Variants in CNTN3 observed in about 807,000 individuals in gnomAD.
CNTN3 encodes the protein contactin 3, also known as contactin-3.
In CNTN3, 60 loss-of-function variants were observed where a neutral mutation model predicts 119.1. The ratio of observed to expected loss-of-function variants is 0.50; its 90% CI spans 0.41 to 0.62. The LOEUF is 0.62. Among genes scored for constraint, CNTN3 ranks in the 20% least tolerant of loss-of-function variants. The pLI, the probability that CNTN3 is intolerant of heterozygous loss-of-function variation, is 0.00. For missense variants in CNTN3, 1,101 were observed against 1,242.4 expected (o/e 0.89, Z 1.71); for synonymous variants, 450 against 438.7 (o/e 1.03, Z -0.32).
rs955131373 is a variant in CNTN3 at position 74,344,608 on chromosome 3, A to C, written c.1365-7950T>G. On this transcript the variant is annotated intron_variant, in intron 11 of 22. Transcript: ENST00000263665. ...GAGTAGCTGGGACTACAGGCGGCCG[A>C]CACCACGCCCAGCTAATTTCTTTTG... Among the ~76,000 whole-genome samples the C allele has an allele frequency of 5.8e-4, 87 of 150,734 alleles. 3 individuals carry two copies. The highest frequency in any genetic ancestry group is 5.9e-5 in the Non-Finnish European group (4 of 67,494).
chr3:74,320,688 A>AC (rs1702965395), intron 13 of CNTN3, among the ~76,000 whole-genome samples: 1 of 152,208 alleles, frequency 6.6e-6, no homozygotes, highest in African/African-American at 2.4e-5. Flanking sequence ...AACAACAACA[A>AC]AAAATTCAGA....
intron 1 of CNTN3, among the ~76,000 whole-genome samples, chr3:74,583,807 T>C (rs1486672520): frequency 6.6e-6 from 1 of 152,208 alleles, no homozygotes; most frequent in African/African-American, 2.4e-5. Flanking sequence ...TGGCTATTTT[T>C]CCTGCTTGTT....
intron 13 of CNTN3, among the ~76,000 whole-genome samples, chr3:74,331,139 C>T (rs1703254913): frequency 6.6e-6 from 1 of 152,204 alleles, no homozygotes; most frequent in Non-Finnish European, 1.5e-5. Context: ...TCACTCACCA[C>T]TCACTCACTG....
At chr3:74,401,107 C>T (rs1705179115) in intron 5 of CNTN3, among the ~76,000 whole-genome samples, 1 of 152,104 alleles carries the variant, frequency 6.6e-6, no homozygotes, top group Non-Finnish European at 1.5e-5. Flanking sequence ...AGAAATGCTT[C>T]TCAACTGACA....
At chr3:74,336,776 C>CGGTT in intron 11 of CNTN3, 118 bp from the exon 12 acceptor site, 1 of 709,602 alleles carries the variant, frequency 1.4e-6, no homozygotes, top group South Asian at 2.9e-5. Flanking sequence ...CATGATCAAC[C>CGGTT]AGTCCTTAGC....
intron 2 of CNTN3, among the ~76,000 whole-genome samples, chr3:74,510,020 CATATAT>C: frequency 6.3e-5 from 1 of 15,972 alleles, no homozygotes; most frequent in East Asian, 4.0e-4. Context: ...ATTTTATATA[CATATAT>C]ATACATATAT....
chr3:74,456,186 A>G (rs926071726), intron 4 of CNTN3, among the ~76,000 whole-genome samples: 15 of 151,848 alleles, frequency 9.9e-5, no homozygotes, highest in African/African-American at 3.4e-4. Flanking sequence ...TCTTTATTGT[A>G]TAACTTTAAT....
At position 74,365,538 on chromosome 3, in the gene CNTN3, A is replaced by T. The variant is rs772373776; in HGVS notation, c.1083+28T>A. 6 of 1,612,818 alleles carry T rather than the reference A, an allele frequency of 3.7e-6. No homozygotes were observed. In the African/African-American group the frequency reaches 6.7e-5, roughly 18 times the overall value. ...AAAGGGTGGATTTACCAGGCCTCTAAACCCATTTTAGGTCCATGTTACCTT... is the reference window on the plus strand; with the variant it reads ...AAAGGGTGGATTTACCAGGCCTCTATACCCATTTTAGGTCCATGTTACCTT... On this transcript the variant is annotated intron_variant, in intron 9 of 22. Coordinates refer to ENST00000263665, the MANE Select transcript of CNTN3 (RefSeq NM_020872.3).
chr3:74,555,373 T>A (rs1704053804), intron 1 of CNTN3, among the ~76,000 whole-genome samples: 1 of 152,192 alleles, frequency 6.6e-6, no homozygotes, highest in South Asian at 2.1e-4. Flanking sequence ...CCTAAAATTC[T>A]CTTTTTTTGT....
At chr3:74,536,067 G>A (rs894183575) in intron 1 of CNTN3, among the ~76,000 whole-genome samples, 7 of 152,016 alleles carry the variant, frequency 4.6e-5, no homozygotes, top group Admixed American at 4.6e-4. Context: ...GTGGGACACT[G>A]AGAGACAGGA....
intron 13 of CNTN3, among the ~76,000 whole-genome samples, chr3:74,329,961 T>C (rs1423444326): frequency 6.6e-6 from 1 of 152,136 alleles, no homozygotes; most frequent in East Asian, 1.9e-4. Context: ...CAGGAAGAGA[T>C]CTCATGGCAG....
chr3:74,283,373 TGTCAAC>T (rs939246831), intron 20 of CNTN3, among the ~76,000 whole-genome samples: 1 of 152,188 alleles, frequency 6.6e-6, no homozygotes, highest in African/African-American at 2.4e-5. Context: ...GCTCAGTAAG[TGTCAAC>T]CATAATTATC....
chr3:74,460,374 A>G (rs533517597), intron 4 of CNTN3, among the ~76,000 whole-genome samples: 2 of 152,088 alleles, frequency 1.3e-5, no homozygotes, highest in East Asian at 3.9e-4. Flanking sequence ...TTTGAGGAGA[A>G]TTAACATATT....
intron 17 of CNTN3, among the ~76,000 whole-genome samples, chr3:74,298,621 G>A (rs1702389895): frequency 1.3e-5 from 2 of 148,174 alleles, no homozygotes; most frequent in South Asian, 4.3e-4. Flanking sequence ...AAAAGGCCTG[G>A]TACGGTGGCT....
chr3:74,265,819 A>G (rs776082335), intron 22 of CNTN3, among the ~76,000 whole-genome samples: 21 of 152,186 alleles, frequency 1.4e-4, no homozygotes, highest in Admixed American at 3.3e-4. Context: ...AATGGACTCT[A>G]CAATAGTTAA....
At chr3:74,288,379 G>A (rs182009848) in intron 19 of CNTN3, among the ~76,000 whole-genome samples, 272 of 151,856 alleles carry the variant, frequency 1.8e-3, no homozygotes, top group African/African-American at 6.2e-3. Context: ...TCCTGGACTC[G>A]AACTCCTGAC....
chr3:74,485,332 G>A (rs1166100832), intron 4 of CNTN3, among the ~76,000 whole-genome samples: 4 of 151,958 alleles, frequency 2.6e-5, no homozygotes, highest in Non-Finnish European at 4.4e-5. Flanking sequence ...TAACTTAAGG[G>A]TAACTAGTTG....
chr3:74,381,600 CTCAG>C (rs1285233905), intron 5 of CNTN3, among the ~76,000 whole-genome samples: 3 of 152,026 alleles, frequency 2.0e-5, no homozygotes, highest in Non-Finnish European at 4.4e-5. Context: ...TTTGTACTAC[CTCAG>C]TAATAAATAT....
intron 2 of CNTN3, among the ~76,000 whole-genome samples, chr3:74,517,043 G>A (rs1175975920): frequency 6.6e-6 from 1 of 151,894 alleles, no homozygotes; most frequent in Admixed American, 6.6e-5. Context: ...CATGCCCACA[G>A]GCCAGACCTT....
Sources: gnomAD v4.1 joint callset for allele counts (sites outside exome capture counted in the v4.1 genomes callset) on GRCh38, gnomAD v4.1.1 for gene constraint, MANE v1.5 for transcripts, NCBI Gene and HGNC (gene_info 2026-07-23, HGNC 2026-07-21) for gene names.